TNR: variants seen among roughly 807,000 people sequenced by gnomAD.
The protein encoded by TNR is tenascin R.
TNR carries 45 observed loss-of-function variants against 150.4 expected under a neutral mutation model. The observed-to-expected ratio is 0.30, with a 90% CI of 0.24 to 0.38. The LOEUF (loss-of-function observed/expected upper bound fraction) is 0.38. Among genes scored for constraint, TNR ranks in the 10% least tolerant of loss-of-function variants. The probability of loss-of-function intolerance (pLI) is 1.00; values close to 1 mark genes in which losing one functional copy is unlikely to be tolerated. For synonymous variants in TNR, 687 were observed against 678.4 expected (o/e 1.01, Z -0.20); for missense variants, 1,544 against 1,759.1 (o/e 0.88, Z 2.19).
intron 1 of TNR, among the ~76,000 whole-genome samples, chr1:175,728,015 C>A (rs1242670491): frequency 6.6e-6 from 1 of 152,216 alleles, no homozygotes; most frequent in Non-Finnish European, 1.5e-5. Flanking sequence ...TGACAACAGT[C>A]AGCACAACTA....
chr1:175,340,308 G>A (rs780487080), intron 18 of TNR, among the ~76,000 whole-genome samples: 9 of 152,120 alleles, frequency 5.9e-5, no homozygotes, highest in Non-Finnish European at 1.2e-4. Context: ...CAAATTGCAA[G>A]GCCATTTGGT....
chr1:175,573,543 A>G (rs992052567), intron 1 of TNR, among the ~76,000 whole-genome samples: 2 of 152,252 alleles, frequency 1.3e-5, no homozygotes, highest in East Asian at 3.8e-4. Flanking sequence ...AGCAAATGCT[A>G]CACTGTAAGG....
At chr1:175,407,161 C>T (rs1012658080) in intron 2 of TNR, among the ~76,000 whole-genome samples, 1 of 152,092 alleles carries the variant, frequency 6.6e-6, no homozygotes, top group African/African-American at 2.4e-5. Context: ...GACCAGGGAG[C>T]CTTGGGTGTC....
At chr1:175,693,229 G>C (rs1168903162) in intron 1 of TNR, among the ~76,000 whole-genome samples, 1 of 152,180 alleles carries the variant, frequency 6.6e-6, no homozygotes, top group Non-Finnish European at 1.5e-5. Context: ...GAGTCTCTGA[G>C]GCTGGAGTGG....
chr1:175,391,226 C>T (rs1653150614), intron 7 of TNR, 62 bp downstream of exon 7: 11 of 1,582,866 alleles, frequency 6.9e-6, no homozygotes, highest in Non-Finnish European at 8.6e-6. Context: ...TTGGGCAATT[C>T]TGTGGTTCTT....
intron 2 of TNR, among the ~76,000 whole-genome samples, chr1:175,518,267 A>G (rs923543307): frequency 5.3e-5 from 8 of 152,204 alleles, no homozygotes; most frequent in Admixed American, 3.3e-4. Context: ...CATGCACAAC[A>G]AATGCCTTGT....
chr1:175,699,665 C>T (rs563321404), intron 1 of TNR, among the ~76,000 whole-genome samples: 20 of 152,170 alleles, frequency 1.3e-4, no homozygotes, highest in African/African-American at 4.8e-4. Flanking sequence ...AGTGGGGATA[C>T]AGAGGAGTAA....
At chr1:175,625,970 G>C (rs180751194) in intron 1 of TNR, among the ~76,000 whole-genome samples, 8 of 152,150 alleles carry the variant, frequency 5.3e-5, no homozygotes, top group East Asian at 1.9e-4. Flanking sequence ...AGGGACCCGG[G>C]GGGGAGGTAA....
At chr1:175,507,274 G>T (rs1192367814) in intron 2 of TNR, among the ~76,000 whole-genome samples, 1 of 152,096 alleles carries the variant, frequency 6.6e-6, no homozygotes, top group African/African-American at 2.4e-5. Context: ...AGATTTCATG[G>T]GTTGCCTGGG....
At chr1:175,367,358 A>T (rs565267122) in intron 9 of TNR, 61 bp from the exon 10 acceptor site, 1 of 1,407,990 alleles carries the variant, frequency 7.1e-7, no homozygotes, top group South Asian at 1.2e-5. Flanking sequence ...GGAAGGCTGA[A>T]AGTGGGAAGA....
chr1:175,525,921 G>A (rs946766519), intron 2 of TNR, among the ~76,000 whole-genome samples: 1 of 152,074 alleles, frequency 6.6e-6, no homozygotes, highest in Non-Finnish European at 1.5e-5. Flanking sequence ...TTTGGTTGGG[G>A]CAGTATAGCA....
intron 1 of TNR, among the ~76,000 whole-genome samples, chr1:175,742,161 C>A (rs1444365360): frequency 2.6e-5 from 4 of 152,166 alleles, no homozygotes; most frequent in African/African-American, 9.7e-5. Context: ...ATTGACTGAA[C>A]ATACTTCAGA....
chr1:175,338,943 G>C (rs1025988592), intron 18 of TNR, among the ~76,000 whole-genome samples: 2 of 152,210 alleles, frequency 1.3e-5, no homozygotes, highest in African/African-American at 4.8e-5. Context: ...CACACCCGTC[G>C]AGGGCGCACT....
Position 175,634,868 on chromosome 1 carries a change from G to A in TNR, c.-164-106499C>T, listed in dbSNP as rs115941930. On this transcript the variant is annotated intron_variant, in intron 1 of 22. Coordinates refer to ENST00000367674, the MANE Select transcript of TNR (RefSeq NM_003285.3). ...TATACAGTGCTACTTATTACCAACC[G>A]CCCCCTCAAAACAAACAAAAAACTA... Among the ~76,000 whole-genome samples, 360 of 152,028 alleles carry A rather than the reference G, an allele frequency of 2.4e-3. 1 individual carries two copies. The highest frequency in any genetic ancestry group is 8.2e-3 in the African/African-American group (342 of 41,460).
At chr1:175,354,847 T>G (rs1322152613) in intron 17 of TNR, among the ~76,000 whole-genome samples, 2 of 152,206 alleles carry the variant, frequency 1.3e-5, no homozygotes, top group Non-Finnish European at 2.9e-5. Context: ...TAAGGCCTCC[T>G]TACTTCTATC....
chr1:175,474,564 C>T (rs1657463396), intron 2 of TNR, among the ~76,000 whole-genome samples: 1 of 152,210 alleles, frequency 6.6e-6, no homozygotes, highest in African/African-American at 2.4e-5. Context: ...CACAAGATCT[C>T]AAGCTTGAGA....
intron 1 of TNR, among the ~76,000 whole-genome samples, chr1:175,703,811 G>C (rs10913061): frequency 0.059 from 8,960 of 152,304 alleles, 340 homozygotes; most frequent in East Asian, 0.17. Context: ...GCAGCAGTCA[G>C]ATAAAATGGC....
Position 175,422,813 on chromosome 1 carries a change from C to A in TNR, c.-63-16036G>T, listed in dbSNP as rs889021348. 7.9e-5 allele frequency among the ~76,000 whole-genome samples: 12 copies of A among 152,236 alleles called. No homozygotes were observed. The East Asian group carries it at 2.1e-3, about 27-fold the overall frequency. Reference sequence around the variant, plus strand: ...AAACTGGTTTCCTGGATTACACAGGCCCTATTTGTCTCTCATAGGTGCACC... The same window carrying A: ...AAACTGGTTTCCTGGATTACACAGGACCTATTTGTCTCTCATAGGTGCACC... On this transcript the variant is annotated intron_variant, in intron 2 of 22. Coordinates refer to ENST00000367674, the MANE Select transcript of TNR (RefSeq NM_003285.3).
intron 1 of TNR, among the ~76,000 whole-genome samples, chr1:175,544,806 C>T (rs1190469303): frequency 6.6e-6 from 1 of 152,152 alleles, no homozygotes; most frequent in East Asian, 1.9e-4. Flanking sequence ...GGCTGTTTTT[C>T]TTGGGAGATG....
Sources: allele counts gnomAD v4.1 joint callset (sites outside exome capture counted in the v4.1 genomes callset), GRCh38; gene constraint gnomAD v4.1.1; transcripts MANE v1.5; gene names NCBI Gene and HGNC (gene_info 2026-07-23, HGNC 2026-07-21).